SDK1: variants seen among roughly 807,000 people sequenced by gnomAD.
SDK1 encodes protein sidekick-1.
SDK1 carries 157 observed loss-of-function variants against 245.5 expected under a neutral mutation model. The ratio of observed to expected loss-of-function variants is 0.64; its 90% CI spans 0.56 to 0.73. The LOEUF is 0.73. Among genes scored for constraint, SDK1 ranks in the 30% least tolerant of loss-of-function variants. The pLI is 0.00. For synonymous variants in SDK1, 1,647 were observed against 1,278.5 expected, an observed-to-expected ratio of 1.29 and a Z score of -6.15; for missense variants, 3,583 against 3,002.3, an observed-to-expected ratio of 1.19 and a Z score of -4.52.
At chr7:3,374,551 C>A (rs928388292) in intron 1 of SDK1, among the ~76,000 whole-genome samples, 2 of 152,140 alleles carry the variant, frequency 1.3e-5, no homozygotes, top group Admixed American at 1.3e-4. Flanking sequence ...CCTTTGGCCA[C>A]TATACAGGTC....
chr7:3,748,651 C>A (rs1488915025), intron 4 of SDK1, among the ~76,000 whole-genome samples: 1 of 152,164 alleles, frequency 6.6e-6, no homozygotes, highest in Non-Finnish European at 1.5e-5. Context: ...TGTTCAGTTT[C>A]CTCATGCTTC....
At chr7:3,823,125 A>G (rs1013964750) in intron 5 of SDK1, among the ~76,000 whole-genome samples, 10 of 152,236 alleles carry the variant, frequency 6.6e-5, no homozygotes, top group Non-Finnish European at 1.3e-4. Flanking sequence ...AACCCAGTGC[A>G]TGCTGTACTG....
intron 5 of SDK1, among the ~76,000 whole-genome samples, chr7:3,850,112 G>A (rs1231129651): frequency 6.6e-6 from 1 of 152,184 alleles, no homozygotes; most frequent in Non-Finnish European, 1.5e-5. Context: ...TTGCTGTCCT[G>A]TGACAAAAGC....
chr7:3,354,651 G>C (rs1780745793), intron 1 of SDK1, among the ~76,000 whole-genome samples: 1 of 152,154 alleles, frequency 6.6e-6, no homozygotes, highest in Non-Finnish European at 1.5e-5. Flanking sequence ...AATCACAGAA[G>C]TTAATTGTGT....
chr7:3,304,447 A>G (rs981391943), intron 1 of SDK1, among the ~76,000 whole-genome samples: 1 of 152,178 alleles, frequency 6.6e-6, no homozygotes, highest in Non-Finnish European at 1.5e-5. Flanking sequence ...TGGACTCTTT[A>G]CAGGCTTACT....
At chr7:3,420,759 T>A (rs1779513085) in intron 1 of SDK1, among the ~76,000 whole-genome samples, 2 of 152,200 alleles carry the variant, frequency 1.3e-5, no homozygotes, top group South Asian at 4.1e-4. Flanking sequence ...TTTTAAAATT[T>A]AATTTTAAGT....
chr7:3,599,918 C>CT (rs1425475758), intron 1 of SDK1, among the ~76,000 whole-genome samples: 3 of 152,204 alleles, frequency 2.0e-5, no homozygotes, highest in Non-Finnish European at 4.4e-5. Context: ...ATTCTACTTC[C>CT]TTTTTTCATA....
intron 5 of SDK1, among the ~76,000 whole-genome samples, chr7:3,914,036 C>T (rs1407323096): frequency 6.6e-6 from 1 of 152,206 alleles, no homozygotes; most frequent in Non-Finnish European, 1.5e-5. Flanking sequence ...GAAGAAGCAT[C>T]TACTCCAGAT....
intron 1 of SDK1, among the ~76,000 whole-genome samples, chr7:3,542,957 C>T (rs985692622): frequency 1.1e-4 from 16 of 152,246 alleles, no homozygotes; most frequent in Non-Finnish European, 2.2e-4. Context: ...TTTATTCCCT[C>T]TGTTGTCTCA....
At chr7:3,626,973 G>A (rs1782142251) in intron 2 of SDK1, among the ~76,000 whole-genome samples, 1 of 151,424 alleles carries the variant, frequency 6.6e-6, no homozygotes. Context: ...TGTTGCCCAC[G>A]CTGGAGTACA....
At chr7:3,739,385 C>A (rs1013843900) in intron 4 of SDK1, among the ~76,000 whole-genome samples, 4 of 152,066 alleles carry the variant, frequency 2.6e-5, no homozygotes, top group Non-Finnish European at 5.9e-5. Context: ...TTCCAGTATT[C>A]TTTCTGTTAC....
At chr7:4,195,781 G>A (rs772115068) in intron 35 of SDK1, among the ~76,000 whole-genome samples, 7 of 152,102 alleles carry the variant, frequency 4.6e-5, no homozygotes, top group Non-Finnish European at 1.0e-4. Context: ...AAGCAGTGCC[G>A]CAGGAGCTCT....
At chr7:3,370,902 C>G (rs752063368) in intron 1 of SDK1, among the ~76,000 whole-genome samples, 2 of 152,142 alleles carry the variant, frequency 1.3e-5, no homozygotes, top group African/African-American at 2.4e-5. Flanking sequence ...TCTGTCTCCA[C>G]TAGCTCCTTT....
intron 1 of SDK1, among the ~76,000 whole-genome samples, chr7:3,516,822 G>A (rs902620355): frequency 9.2e-5 from 14 of 152,052 alleles, no homozygotes; most frequent in African/African-American, 3.1e-4. Flanking sequence ...TCAAAGGAAC[G>A]CACTCACTTA....
At chr7:4,037,517 T>A (rs1788310879) in intron 17 of SDK1, among the ~76,000 whole-genome samples, 2 of 152,116 alleles carry the variant, frequency 1.3e-5, no homozygotes, top group African/African-American at 4.8e-5. Flanking sequence ...CTCGGGAGGC[T>A]GAGTTGGGAG....
intron 42 of SDK1, 36 bp downstream of exon 42, chr7:4,237,820 T>C (rs1414249505): frequency 6.2e-7 from 1 of 1,611,988 alleles, no homozygotes; most frequent in African/African-American, 1.3e-5. Context: ...TGTCCCACGA[T>C]GCCACTCAGC....
intron 35 of SDK1, among the ~76,000 whole-genome samples, chr7:4,180,377 CTGGCTCCAGCTCTATGCCCAG>C (rs1782529721): frequency 2.7e-5 from 4 of 148,542 alleles, no homozygotes; most frequent in African/African-American, 1.0e-4. Context: ...TGCCCAGCGC[CTGGCTCCAGCTCTATGCCCAG>C]CGCCTGGCTC....
intron 1 of SDK1, among the ~76,000 whole-genome samples, chr7:3,552,437 C>T (rs1779449275): frequency 6.6e-6 from 1 of 152,136 alleles, no homozygotes; most frequent in Non-Finnish European, 1.5e-5. Context: ...ACTCTTTTTG[C>T]CAGAGGCTAC....
At chr7:3,620,058 A>T (rs994499700) in intron 2 of SDK1, among the ~76,000 whole-genome samples, 3 of 152,190 alleles carry the variant, frequency 2.0e-5, no homozygotes, top group Non-Finnish European at 2.9e-5. Flanking sequence ...CAGCAAAATC[A>T]TCGCTGCCAT....
Sources: allele counts gnomAD v4.1 joint callset (sites outside exome capture counted in the v4.1 genomes callset), GRCh38; gene constraint gnomAD v4.1.1; transcripts MANE v1.5; gene names NCBI Gene and HGNC (gene_info 2026-07-23, HGNC 2026-07-21).